RUBCN: variants seen among roughly 807,000 people sequenced by gnomAD.
RUBCN encodes the protein run domain Beclin-1-interacting and cysteine-rich domain-containing protein.
Under a neutral mutation model 113.2 loss-of-function variants are expected in RUBCN, and 74 were observed. The ratio of observed to expected loss-of-function variants is 0.65; its 90% CI spans 0.54 to 0.79. The LOEUF (loss-of-function observed/expected upper bound fraction) is 0.79, where lower values mean the gene tolerates loss of function less well. Ranked by LOEUF, RUBCN falls within the 30% of genes least tolerant of loss-of-function variation. RUBCN has a pLI of 0.00. For synonymous variants in RUBCN, 480 were observed against 490.0 expected (o/e 0.98, Z 0.27); for missense variants, 1,109 against 1,251.7 (o/e 0.89, Z 1.72).
At chr3:197,745,067 A>C (rs1203740969) in intron 1 of RUBCN, among the ~76,000 whole-genome samples, 1 of 151,982 alleles carries the variant, frequency 6.6e-6, no homozygotes, top group African/African-American at 2.4e-5. Context: ...TGGGCAGATC[A>C]CAAAGTCAAG....
In RUBCN at chr3:197,681,896, C is replaced by T; in HGVS notation, c.2130G>A (p.Arg710=). 1 of 1,613,836 alleles carries T rather than the reference C, an allele frequency of 6.2e-7. No homozygotes were observed. The change falls in exon 15 of 20, where the codon AGG becomes AGA. Residue 710 remains arginine, a synonymous_variant. Coordinates refer to ENST00000296343, the MANE Select transcript of RUBCN (RefSeq NM_014687.4). The surrounding 1 kb of genome is among the most constrained non-coding windows in gnomAD (Gnocchi z 5.5). The part of the protein sequence containing the change: ...IIFNVHPAPT[R]KIAVAKQNYR... The stretch of plus-strand genomic sequence containing the variant: ...AATTCTGCTTGGCCACGGCAATTTT[C>T]CTCCTGAGGAAGGGTAAGGACAGGG...
chr3:197,723,164 GTTATT>G (rs1726351240), intron 1 of RUBCN, among the ~76,000 whole-genome samples: 3 of 152,026 alleles, frequency 2.0e-5, no homozygotes, highest in Non-Finnish European at 2.9e-5. Flanking sequence ...GTTATAAAAA[GTTATT>G]TTATTTATTT....
chr3:197,712,778 A>C (rs1380450371), intron 2 of RUBCN, among the ~76,000 whole-genome samples: 3 of 152,226 alleles, frequency 2.0e-5, no homozygotes, highest in African/African-American at 7.2e-5. Flanking sequence ...AAAAAAATTA[A>C]AAATACTACT....
Position 197,671,339 on chromosome 3 carries a change from A to G in RUBCN, c.*3679T>C, listed in dbSNP as rs995507194. 1 of 152,148 alleles carries G rather than the reference A, an allele frequency of 6.6e-6. No individual in the cohort carries two copies. The highest frequency in any genetic ancestry group is 2.4e-5 in the African/African-American group (1 of 41,418). The allele number at this position is 152,148 out of a possible 1,614,324, so 9.4% of individuals were successfully genotyped here. Reference sequence around the variant, plus strand: ...CTCATCCCACAAGGTGCTTCTAATCATTGTTCCACTGAGGCGCAGGGAGGA... The same window carrying G: ...CTCATCCCACAAGGTGCTTCTAATCGTTGTTCCACTGAGGCGCAGGGAGGA... On this transcript the variant is annotated 3_prime_UTR_variant, in exon 20 of 20. Transcript: ENST00000296343.
chr3:197,686,582 C>T (rs9862094), intron 11 of RUBCN, among the ~76,000 whole-genome samples: 8,055 of 152,178 alleles, frequency 0.053, 663 homozygotes, highest in African/African-American at 0.18. Context: ...ACTAAGTTGA[C>T]ACGGGTGAAA....
upstream of RUBCN, among the ~76,000 whole-genome samples, chr3:197,740,539 T>A (rs1242619506): frequency 2.0e-5 from 3 of 152,216 alleles, no homozygotes; most frequent in Non-Finnish European, 4.4e-5. Context: ...CATAATTGGA[T>A]AATAGTACAG....
At chr3:197,749,714 C>G (rs1000046794), upstream of RUBCN, 2 of 631,840 alleles carry the variant, frequency 3.2e-6, no homozygotes, top group Non-Finnish European at 5.7e-6. Flanking sequence ...CGGCGGTCCT[C>G]GCGAGCGCCT....
At chr3:197,682,341 C>T in intron 14 of RUBCN, 129 bp downstream of exon 14, 2 of 1,120,940 alleles carry the variant, frequency 1.8e-6, no homozygotes, top group Non-Finnish European at 2.6e-6. Flanking sequence ...CGCCCCCCCT[C>T]TGCCTTTAAA....
Position 197,675,533 on chromosome 3 carries a change from A to T in RUBCN, c.2647-18T>A, listed in dbSNP as rs374099627. ...TGGCAGAGCTGGGGAGGAAAAACAC[A>T]GATGGCAAAATGAGGAGCGGCACAT... On this transcript the variant is annotated intron_variant, in intron 18 of 19. Transcript: ENST00000296343. This position sits in a 1 kb window ranked among gnomAD's most constrained non-coding sequence, Gnocchi z 4.4. The T allele has an allele frequency of 1.8e-5, 29 of 1,594,100 alleles. No homozygotes were observed. The highest frequency in any genetic ancestry group is 2.4e-5 in the Non-Finnish European group (28 of 1,162,260).
intron 9 of RUBCN, 116 bp downstream of exon 9, chr3:197,695,750 T>G: frequency 1.1e-6 from 1 of 931,244 alleles, no homozygotes; most frequent in Non-Finnish European, 1.7e-6. Flanking sequence ...CCCTTTACCG[T>G]GAACTTATCT....
chr3:197,688,508 C>G (rs970874635), intron 11 of RUBCN, among the ~76,000 whole-genome samples: 2 of 152,218 alleles, frequency 1.3e-5, no homozygotes, highest in African/African-American at 4.8e-5. Flanking sequence ...TAAACTTTCC[C>G]TATTCAAATT....
At chr3:197,749,036 G>A (rs1397648101) in intron 1 of RUBCN, among the ~76,000 whole-genome samples, 1 of 152,202 alleles carries the variant, frequency 6.6e-6, no homozygotes, top group Non-Finnish European at 1.5e-5. Flanking sequence ...CTGTATGAGG[G>A]TGATATAACC....
rs1723899943 is a variant in RUBCN, at chr3:197,703,379, CAG to C, written c.570+167_570+168del. Among the ~76,000 whole-genome samples, 6 of 107,286 alleles carry C rather than the reference CAG, an allele frequency of 5.6e-5. No homozygotes were observed. In the South Asian group the frequency reaches 1.9e-3, roughly 35 times the overall value. The allele number at this position is 107,286 out of a possible 152,430, so 70.4% of individuals were successfully genotyped here. On this transcript the variant is annotated intron_variant, in intron 5 of 19. Transcript: ENST00000296343. ...CACCACTGCACTCCAGCCTGGGAAA[CAG>C]AGCGAGACTCTGTCTCAAAAAAAAA...
At position 197,693,697 on chromosome 3, in the gene RUBCN, CA is replaced by C. The variant is rs907225236; in HGVS notation, c.1786+17del. Reference sequence around the variant, plus strand: ...AAACAGAATAAAAGTTCCCTTGTAACAAAGTGTCACTTCTTACCTTGGATTT... The same window carrying C: ...AAACAGAATAAAAGTTCCCTTGTAACAAGTGTCACTTCTTACCTTGGATTT... On this transcript the variant is annotated intron_variant, in intron 11 of 19. Transcript: ENST00000296343. 2.7e-5 allele frequency: 41 copies of C among 1,530,360 alleles called. No homozygotes were observed. The highest frequency in any genetic ancestry group is 3.4e-5 in the Non-Finnish European group (38 of 1,103,816). The allele number at this position is 1,530,360 out of a possible 1,614,324, so 94.8% of individuals were successfully genotyped here.
intron 4 of RUBCN, 40 bp from the exon 5 acceptor site, chr3:197,703,694 G>T: frequency 7.5e-7 from 1 of 1,335,186 alleles, no homozygotes; most frequent in Non-Finnish European, 1.1e-6. Context: ...GAGCCCATCA[G>T]GGAGGCCTTG....
chr3:197,716,146 G>C (rs1205727391), intron 2 of RUBCN, among the ~76,000 whole-genome samples: 1 of 152,154 alleles, frequency 6.6e-6, no homozygotes, highest in African/African-American at 2.4e-5. Context: ...TTGTTGTTGT[G>C]AGATACAGTC....
At chr3:197,701,674 T>C (rs1013762622) in intron 6 of RUBCN, 34 bp downstream of exon 6, 4 of 1,604,746 alleles carry the variant, frequency 2.5e-6, no homozygotes, top group Non-Finnish European at 3.4e-6. Flanking sequence ...GGGCTGGGGA[T>C]AAATGTAATG....
In RUBCN at chr3:197,681,781, C is replaced by T. The variant is rs190806555; in HGVS notation, c.2191+54G>A. The T allele has an allele frequency of 9.2e-5, 136 of 1,481,596 alleles. No homozygotes were observed. The African/African-American group carries it at 1.2e-3, about 13-fold the overall frequency. The allele number at this position is 1,481,596 out of a possible 1,614,324, so 91.8% of individuals were successfully genotyped here. The stretch of plus-strand genomic sequence containing the variant: ...TGACACGCCACCTCTCCCTACGTGT[C>T]GGGGAGGGTACAGAGCCTCTGGAGG... On this transcript the variant is annotated intron_variant, in intron 15 of 19. Coordinates refer to ENST00000296343, the MANE Select transcript of RUBCN (RefSeq NM_014687.4). This position sits in a 1 kb window ranked among gnomAD's most constrained non-coding sequence, Gnocchi z 5.5.
chr3:197,674,868 CA>C lies in RUBCN; in HGVS notation c.*149del. ...CCGACGGCTGACTGCACACAGACGT[CA>C]GACAAGTCAGTAAAAAAAAAAAAAA... On this transcript the variant is annotated 3_prime_UTR_variant, in exon 20 of 20. Coordinates refer to ENST00000296343, the MANE Select transcript of RUBCN (RefSeq NM_014687.4). 35 of 643,242 alleles carry C rather than the reference CA, an allele frequency of 5.4e-5. No individual in the cohort carries two copies. Among genetic ancestry groups the C allele is most frequent in the South Asian group, 1.6e-4 (7 of 42,780 alleles). 39.8% of individuals were successfully genotyped at this position (643,242 alleles called of 1,614,324 possible).
Sources: gnomAD v4.1 joint callset for allele counts (sites outside exome capture counted in the v4.1 genomes callset) on GRCh38, gnomAD v4.1.1 for gene constraint, Gnocchi (gnomAD v3.1) non-coding constraint, MANE v1.5 for transcripts, NCBI Gene and HGNC (gene_info 2026-07-23, HGNC 2026-07-21) for gene names.